TRPM3: variants seen among roughly 807,000 people sequenced by gnomAD.
TRPM3 encodes the protein long transient receptor potential channel 3.
In TRPM3, 77 loss-of-function variants were observed where a neutral mutation model predicts 181.2. The ratio of observed to expected loss-of-function variants is 0.42; its 90% CI spans 0.35 to 0.51. The LOEUF is 0.51. Ranked by LOEUF, TRPM3 falls within the 20% of genes least tolerant of loss-of-function variation. The probability of loss-of-function intolerance (pLI) is 0.01; values close to 1 mark genes in which losing one functional copy is unlikely to be tolerated. For synonymous variants in TRPM3, 745 were observed against 796.4 expected (o/e 0.94, Z 1.09); for missense variants, 1,759 against 2,196.7 (o/e 0.80, Z 3.98).
intron 1 of TRPM3, among the ~76,000 whole-genome samples, chr9:70,972,492 T>C (rs953254604): frequency 6.6e-6 from 1 of 152,160 alleles, no homozygotes; most frequent in African/African-American, 2.4e-5. Flanking sequence ...GGGGAATGAC[T>C]GCTAATGGGT....
rs2059385635 is a variant in TRPM3, at chr9:71,045,990, T to C, written c.177+75188A>G. ...CTACAGCCAGTGGTATTGCCTACAC[T>C]TTTTTTTTTTTTGAGATGGAGCCTC... On this transcript the variant is annotated intron_variant, in intron 1 of 25. Coordinates refer to ENST00000677713, the MANE Select transcript of TRPM3 (RefSeq NM_001366145.2). 3.5e-5 allele frequency among the ~76,000 whole-genome samples: 3 copies of C among 86,658 alleles called. No individual in the cohort carries two copies. In the Admixed American group the frequency reaches 3.6e-4, roughly 11 times the overall value. 56.9% of individuals were successfully genotyped at this position (86,658 alleles called of 152,430 possible). A position where few individuals can be genotyped will look rare whatever the true frequency, so the allele number is the denominator to read the frequency against.
At chr9:70,854,986 A>G (rs1404821324) in intron 3 of TRPM3, among the ~76,000 whole-genome samples, 3 of 152,202 alleles carry the variant, frequency 2.0e-5, no homozygotes, top group Non-Finnish European at 2.9e-5. Context: ...AGAAAACTAG[A>G]GATTTTCTTT....
At chr9:71,184,289 T>C (rs1465352439) in intron 1 of TRPM3, among the ~76,000 whole-genome samples, 1 of 151,956 alleles carries the variant, frequency 6.6e-6, no homozygotes, top group Non-Finnish European at 1.5e-5. Flanking sequence ...AGCATGGGGG[T>C]TGCAAGAACA....
At chr9:71,352,820 T>A (rs2091715075) in intron 1 of TRPM3, among the ~76,000 whole-genome samples, 2 of 151,988 alleles carry the variant, frequency 1.3e-5, no homozygotes, top group Admixed American at 6.6e-5. Context: ...TCTACCAGAG[T>A]GGGAAGCTCC....
At chr9:70,934,873 A>C (rs72729793) in intron 1 of TRPM3, among the ~76,000 whole-genome samples, 2,392 of 151,818 alleles carry the variant, frequency 0.016, 30 homozygotes, top group South Asian at 0.034. Context: ...TCCTCCCCCC[A>C]AAAAAAATAA....
At chr9:70,819,784 T>G (rs2093011190) in intron 6 of TRPM3, among the ~76,000 whole-genome samples, 1 of 152,192 alleles carries the variant, frequency 6.6e-6, no homozygotes, top group South Asian at 2.1e-4. Flanking sequence ...TAATGAAATT[T>G]CCTATACCCA....
At chr9:71,255,330 AC>A (rs1453030256) in intron 1 of TRPM3, among the ~76,000 whole-genome samples, 1 of 152,214 alleles carries the variant, frequency 6.6e-6, no homozygotes. Flanking sequence ...ACAAAAGTAA[AC>A]AAAAATTTTA....
intron 22 of TRPM3, among the ~76,000 whole-genome samples, chr9:70,560,719 C>T (rs1042226920): frequency 2.0e-5 from 3 of 152,190 alleles, no homozygotes; most frequent in African/African-American, 4.8e-5. Context: ...GTTCATTAGA[C>T]ATTGATTATT....
chr9:71,413,044 A>T (rs1198866403), intron 1 of TRPM3, among the ~76,000 whole-genome samples: 6 of 152,024 alleles, frequency 3.9e-5, no homozygotes, highest in Non-Finnish European at 7.4e-5. Context: ...TGGGAATTGA[A>T]CAATGAGAAC....
intron 6 of TRPM3, among the ~76,000 whole-genome samples, chr9:70,804,755 G>C (rs528367518): frequency 6.6e-6 from 1 of 151,336 alleles, no homozygotes; most frequent in African/African-American, 2.4e-5. Flanking sequence ...TTGAAATTTC[G>C]GCTCCTACTC....
intron 1 of TRPM3, among the ~76,000 whole-genome samples, chr9:71,240,441 G>T (rs544198558): frequency 6.6e-6 from 1 of 152,098 alleles, no homozygotes; most frequent in South Asian, 2.1e-4. Flanking sequence ...GTGAGTTAAA[G>T]AATAAATGTA....
At chr9:70,782,193 T>C (rs2082604207) in intron 7 of TRPM3, among the ~76,000 whole-genome samples, 1 of 140,320 alleles carries the variant, frequency 7.1e-6, no homozygotes, top group Non-Finnish European at 1.5e-5. Flanking sequence ...AGGAGAACCT[T>C]GGTTAATTTT....
intron 1 of TRPM3, among the ~76,000 whole-genome samples, chr9:71,075,643 T>A (rs2063352142): frequency 6.6e-6 from 1 of 152,192 alleles, no homozygotes; most frequent in Non-Finnish European, 1.5e-5. Flanking sequence ...AGCCATCTAA[T>A]GAGCAGCTTG....
chr9:71,438,338 T>A (rs1426989026), intron 1 of TRPM3, among the ~76,000 whole-genome samples: 1 of 152,156 alleles, frequency 6.6e-6, no homozygotes, highest in Non-Finnish European at 1.5e-5. Flanking sequence ...ATTAAGAAGT[T>A]TTTTTTAAAA....
chr9:71,291,102 C>T (rs2085773422), intron 1 of TRPM3, among the ~76,000 whole-genome samples: 1 of 152,096 alleles, frequency 6.6e-6, no homozygotes, highest in Admixed American at 6.6e-5. Flanking sequence ...TTATGTGAGG[C>T]CATTATTTGG....
intron 22 of TRPM3, among the ~76,000 whole-genome samples, chr9:70,575,162 C>A (rs1213052685): frequency 7.0e-6 from 1 of 143,056 alleles, no homozygotes; most frequent in South Asian, 2.2e-4. Flanking sequence ...CCAGGCTGGT[C>A]TTGAACTCCT....
At chr9:70,699,543 C>T (rs191792499) in intron 8 of TRPM3, among the ~76,000 whole-genome samples, 3 of 152,290 alleles carry the variant, frequency 2.0e-5, no homozygotes, top group Admixed American at 6.5e-5. Context: ...TCACTAAACA[C>T]TAGGCCTTGA....
At chr9:70,803,511 C>T (rs1003479107) in intron 6 of TRPM3, among the ~76,000 whole-genome samples, 2 of 138,640 alleles carry the variant, frequency 1.4e-5, no homozygotes, top group African/African-American at 5.4e-5. Flanking sequence ...TGCAGTGGTG[C>T]GATCTCGGCT....
chr9:71,413,095 T>C (rs2093584389), intron 1 of TRPM3, among the ~76,000 whole-genome samples: 1 of 152,034 alleles, frequency 6.6e-6, no homozygotes. Flanking sequence ...CTGGGGCCTT[T>C]CGTGGGGTTG....
Sources: allele counts gnomAD v4.1 joint callset (sites outside exome capture counted in the v4.1 genomes callset), GRCh38; gene constraint gnomAD v4.1.1; transcripts MANE v1.5; gene names NCBI Gene and HGNC (gene_info 2026-07-23, HGNC 2026-07-21).